The following VPS13B variants were observed in gnomAD, a reference collection of about 807,000 sequenced individuals.
VPS13B encodes intermembrane lipid transfer protein VPS13B.
A neutral mutation model predicts 426.4 loss-of-function variants in VPS13B; 285 were observed. The ratio of observed to expected loss-of-function variants is 0.67; its 90% confidence interval spans 0.61 to 0.74. The LOEUF (loss-of-function observed/expected upper bound fraction) is 0.74, where lower values mean the gene tolerates loss of function less well. VPS13B is among the 30% of genes least tolerant of loss of function. The pLI is 0.00. For synonymous variants in VPS13B, 1,676 were observed against 1,676.4 expected (o/e 1.00, Z 0.01); for missense variants, 4,537 against 4,782.6 (o/e 0.95, Z 1.51).
chr8:99,834,635 T>C (rs896591471), intron 52 of VPS13B, among the ~76,000 whole-genome samples: 1 of 152,124 alleles, frequency 6.6e-6, no homozygotes, highest in Admixed American at 6.6e-5. Flanking sequence ...CTCCCAGGCT[T>C]AAGCCAACCT....
At chr8:99,834,039 C>T (rs1181849072) in intron 52 of VPS13B, among the ~76,000 whole-genome samples, 1 of 152,206 alleles carries the variant, frequency 6.6e-6, no homozygotes, top group Non-Finnish European at 1.5e-5. Flanking sequence ...GATTAATGTG[C>T]TTTTACCAAA....
chr8:99,775,714 A>G (rs575997465), intron 40 of VPS13B, among the ~76,000 whole-genome samples: 2 of 152,284 alleles, frequency 1.3e-5, no homozygotes, highest in East Asian at 1.9e-4. Context: ...CCTGATCAAC[A>G]TGTTGAAACC....
intron 35 of VPS13B, chr8:99,697,748 G>A (rs751498631): frequency 4.9e-5 from 31 of 627,982 alleles, no homozygotes; most frequent in Non-Finnish European, 9.1e-5. Context: ...CGCGCCCGTA[G>A]GGGAGAACAT....
Position 99,193,027 on chromosome 8 carries a change from G to A in VPS13B, c.2485G>A (p.Ala829Thr), listed in dbSNP as rs61753721. Reference sequence around the variant, plus strand: ...TGTCAGCTCTTCCGCAGTGATTGAAGCTTTGATAAATGAAATCTTCCTAAG... The same window carrying A: ...TGTCAGCTCTTCCGCAGTGATTGAAACTTTGATAAATGAAATCTTCCTAAG... ...GNVSSSAVIE[A>T]LINEIFLSIG... The change falls in exon 17 of 62, where the codon GCT becomes ACT. Residue 829 changes from alanine to threonine, a missense_variant. Coordinates refer to ENST00000357162, the MANE Select transcript of VPS13B (RefSeq NM_152564.5). 0.011 allele frequency: 17,846 copies of A among 1,613,582 alleles called. 129 individuals are homozygous for A. The highest frequency in any genetic ancestry group is 0.013 in the Non-Finnish European group (15,288 of 1,179,774).
chr8:99,221,103 A>G (rs1815694337), intron 17 of VPS13B, among the ~76,000 whole-genome samples: 1 of 118,544 alleles, frequency 8.4e-6, no homozygotes, highest in African/African-American at 3.3e-5. Flanking sequence ...CCATGTCCCT[A>G]CAAAGGATAT....
chr8:99,484,067 A>G (rs1563754824), intron 25 of VPS13B, among the ~76,000 whole-genome samples: 1 of 152,186 alleles, frequency 6.6e-6, no homozygotes, highest in Non-Finnish European at 1.5e-5. Context: ...GATGATGGAT[A>G]TTTAAAAATG....
At position 99,854,046 on chromosome 8, in the gene VPS13B, G is replaced by A. The variant is rs778981053; in HGVS notation, c.10657G>A (p.Ala3553Thr). 6 of 1,614,080 alleles carry A rather than the reference G, an allele frequency of 3.7e-6. No homozygotes were observed. Among genetic ancestry groups the A allele is most frequent in the Non-Finnish European group, 2.5e-6 (3 of 1,179,992 alleles). Residue 3553 changes from alanine to threonine, a missense_variant, in exon 56 of 62, where the codon GCC (alanine) becomes ACC (threonine). This residue lies in a region of VPS13B where 4,311 missense variants were observed against 4,474.3 expected (regional missense o/e 0.96). Transcript: ENST00000357162. ...CATGCAGGTCACACAGCACGCCAGG[G>A]CCTTGGTGAATCCTGTGAAGTTACG... is the stretch of plus-strand genomic sequence containing the variant. ...LPMQVTQHAR[A>T]LVNPVKLRKL...
In VPS13B at chr8:99,507,222, C is replaced by T. The variant is rs1563766859; in HGVS notation, c.4224+19C>T. ...ATCTGTGGTGAGACCCATTTAGTTA[C>T]TATGATTTTTGAAAATGTACTTTAA... On this transcript the variant is annotated intron_variant, in intron 28 of 61. Coordinates refer to ENST00000357162, the MANE Select transcript of VPS13B (RefSeq NM_152564.5). 6.2e-7 allele frequency: 1 copy of T among 1,612,582 alleles called. No homozygotes were observed.
intron 31 of VPS13B, among the ~76,000 whole-genome samples, chr8:99,560,314 C>G (rs562301725): frequency 2.0e-5 from 3 of 152,076 alleles, no homozygotes; most frequent in East Asian, 1.9e-4. Flanking sequence ...TGGGCTGAGA[C>G]GATGGGATTT....
chr8:99,045,819 A>G (rs371587738), intron 3 of VPS13B, among the ~76,000 whole-genome samples: 2 of 151,904 alleles, frequency 1.3e-5, no homozygotes, highest in Middle Eastern at 3.4e-3. Flanking sequence ...TCCCCACTTT[A>G]TGTGTTTGTT....
chr8:99,810,829 G>A (rs1813660450), intron 44 of VPS13B, among the ~76,000 whole-genome samples: 1 of 152,156 alleles, frequency 6.6e-6, no homozygotes, highest in African/African-American at 2.4e-5. Flanking sequence ...AAAATATGTA[G>A]AATTTGGATT....
chr8:99,521,837 T>C (rs574219562), intron 30 of VPS13B, among the ~76,000 whole-genome samples: 13 of 152,304 alleles, frequency 8.5e-5, no homozygotes, highest in African/African-American at 3.1e-4. Flanking sequence ...TAGAGGGTGA[T>C]GGCTATTTTT....
chr8:99,870,751 A>T (rs777090780), intron 59 of VPS13B, 34 bp from the exon 60 acceptor site: 44 of 1,596,160 alleles, frequency 2.8e-5, no homozygotes, highest in Non-Finnish European at 2.8e-5. Context: ...TCCAGAAAAC[A>T]AGTAGTAAAA....
chr8:99,133,427 G>T (rs1809908857), intron 8 of VPS13B, among the ~76,000 whole-genome samples: 1 of 152,120 alleles, frequency 6.6e-6, no homozygotes, highest in African/African-American at 2.4e-5. Flanking sequence ...ATATCAACAG[G>T]CTGTTTTACT....
At chr8:99,187,804 A>G (rs1246444978) in intron 16 of VPS13B, among the ~76,000 whole-genome samples, 1 of 152,090 alleles carries the variant, frequency 6.6e-6, no homozygotes, top group Non-Finnish European at 1.5e-5. Context: ...TCCTGTCTCT[A>G]TAAAAAAATA....
intron 4 of VPS13B, among the ~76,000 whole-genome samples, chr8:99,100,444 C>T (rs1011535950): frequency 9.9e-5 from 15 of 152,052 alleles, no homozygotes; most frequent in East Asian, 9.7e-4. Context: ...GCACATGCCA[C>T]GACACCCAGT....
At chr8:99,488,972 C>T (rs1198400292) in intron 25 of VPS13B, among the ~76,000 whole-genome samples, 2 of 151,988 alleles carry the variant, frequency 1.3e-5, no homozygotes, top group Non-Finnish European at 2.9e-5. Flanking sequence ...CCTATGTCCT[C>T]AATGGTATTG....
intron 52 of VPS13B, among the ~76,000 whole-genome samples, chr8:99,834,536 T>C: frequency 7.4e-6 from 1 of 134,280 alleles, no homozygotes; most frequent in South Asian, 2.3e-4. Flanking sequence ...AGCTCTTATT[T>C]TTATTTTTTA....
At chr8:99,554,785 A>G (rs1824466107) in intron 30 of VPS13B, among the ~76,000 whole-genome samples, 1 of 152,140 alleles carries the variant, frequency 6.6e-6, no homozygotes, top group African/African-American at 2.4e-5. Context: ...ATTCTTCTAC[A>G]GAGAGACTCT....
Sources: gnomAD v4.1 joint callset for allele counts (sites outside exome capture counted in the v4.1 genomes callset) on GRCh38, gnomAD v4.1.1 for gene constraint, gnomAD v4.1.1 regional missense constraint, MANE v1.5 for transcripts, NCBI Gene and HGNC (gene_info 2026-07-23, HGNC 2026-07-21) for gene names.